OSBP2: variants seen among roughly 807,000 people sequenced by gnomAD.
OSBP2 encodes the protein oxysterol-binding protein 2.
OSBP2 carries 66 observed loss-of-function variants against 96.0 expected under a neutral mutation model. That is an observed-to-expected ratio of 0.69 (90% confidence interval 0.56 to 0.84). The LOEUF (loss-of-function observed/expected upper bound fraction) is 0.84. Among genes scored for constraint, OSBP2 ranks in the 40% least tolerant of loss-of-function variants. The pLI, the probability that OSBP2 is intolerant of heterozygous loss-of-function variation, is 0.00. For missense variants in OSBP2, 1,038 were observed against 1,222.7 expected (o/e 0.85, Z 2.25); for synonymous variants, 525 against 520.9 (o/e 1.01, Z -0.11).
At chr22:30,867,486 C>T (rs913097045) in intron 2 of OSBP2, among the ~76,000 whole-genome samples, 2 of 152,118 alleles carry the variant, frequency 1.3e-5, no homozygotes, top group African/African-American at 4.8e-5. Context: ...TCACTCATTC[C>T]CTCTCTCTCT....
At chr22:30,799,161 G>A (rs2090815396) in intron 2 of OSBP2, among the ~76,000 whole-genome samples, 2 of 145,844 alleles carry the variant, frequency 1.4e-5, no homozygotes, top group African/African-American at 2.6e-5. Context: ...CCAGGCTGGA[G>A]TGCAGCGGTG....
chr22:30,820,731 C>CT (rs1183368083), intron 2 of OSBP2, among the ~76,000 whole-genome samples: 2 of 152,244 alleles, frequency 1.3e-5, no homozygotes, highest in Non-Finnish European at 2.9e-5. Flanking sequence ...TCTCAACACT[C>CT]TATCGCTAGG....
chr22:30,702,503 A>G (rs1284489844), intron 1 of OSBP2, among the ~76,000 whole-genome samples: 1 of 152,044 alleles, frequency 6.6e-6, no homozygotes, highest in Non-Finnish European at 1.5e-5. Context: ...AACCCCAGCT[A>G]CTCGGGAGTC....
intron 2 of OSBP2, among the ~76,000 whole-genome samples, chr22:30,824,795 G>T (rs1478978379): frequency 6.6e-6 from 1 of 152,210 alleles, no homozygotes; most frequent in African/African-American, 2.4e-5. Flanking sequence ...TGGGCTTGCT[G>T]CCTGCTCCGG....
chr22:30,831,206 C>A (rs1008315120), intron 2 of OSBP2, among the ~76,000 whole-genome samples: 3 of 152,182 alleles, frequency 2.0e-5, no homozygotes, highest in African/African-American at 7.2e-5. Flanking sequence ...GTGGACAACA[C>A]CTTGCTGTAA....
intron 2 of OSBP2, among the ~76,000 whole-genome samples, chr22:30,831,723 A>G (rs925601201): frequency 6.6e-6 from 1 of 152,186 alleles, no homozygotes; most frequent in African/African-American, 2.4e-5. Flanking sequence ...GAGGTGGCTC[A>G]CTTGACTGTA....
intron 1 of OSBP2, among the ~76,000 whole-genome samples, chr22:30,702,847 A>G (rs904439009): frequency 9.9e-5 from 15 of 152,200 alleles, no homozygotes; most frequent in African/African-American, 2.9e-4. Context: ...TGTATTCCAC[A>G]TAGAGCCTGG....
chr22:30,694,349 T>C (rs1270977963), upstream of OSBP2: 13 of 1,534,594 alleles, frequency 8.5e-6, no homozygotes, highest in Admixed American at 2.8e-4. Flanking sequence ...AGACAGGTAA[T>C]GGCTGCCATG....
chr22:30,904,535 T>G (rs2040286478), intron 12 of OSBP2, among the ~76,000 whole-genome samples: 1 of 152,040 alleles, frequency 6.6e-6, no homozygotes, highest in African/African-American at 2.4e-5. Context: ...AGAAAGTAAA[T>G]CTATGGATAT....
intron 2 of OSBP2, among the ~76,000 whole-genome samples, chr22:30,743,394 G>A (rs1002472929): frequency 1.3e-5 from 2 of 152,186 alleles, no homozygotes; most frequent in African/African-American, 4.8e-5. Flanking sequence ...TTCTCCCTGA[G>A]GTGTCAGCAC....
intron 12 of OSBP2, 185 bp downstream of exon 12, chr22:30,894,186 T>C: frequency 5.0e-6 from 3 of 603,910 alleles, no homozygotes; most frequent in Non-Finnish European, 8.8e-6. Flanking sequence ...TGTGAAACTA[T>C]CAAACACTAT....
At chr22:30,750,035 C>T (rs988147669) in intron 2 of OSBP2, among the ~76,000 whole-genome samples, 1 of 152,180 alleles carries the variant, frequency 6.6e-6, no homozygotes, top group Non-Finnish European at 1.5e-5. Context: ...AAGGTCAGAG[C>T]CAGAGGGCTG....
At chr22:30,874,231 T>C (rs186723162) in intron 3 of OSBP2, among the ~76,000 whole-genome samples, 1 of 151,940 alleles carries the variant, frequency 6.6e-6, no homozygotes, top group Non-Finnish European at 1.5e-5. Flanking sequence ...AGTGAGACTC[T>C]GTCTCAAAAA....
intron 2 of OSBP2, among the ~76,000 whole-genome samples, chr22:30,813,994 G>A (rs1056353366): frequency 2.0e-5 from 3 of 151,668 alleles, no homozygotes; most frequent in African/African-American, 7.3e-5. Flanking sequence ...TGGAGATGGG[G>A]TTTCACTATG....
At chr22:30,713,227 C>T (rs1248827203) in intron 1 of OSBP2, among the ~76,000 whole-genome samples, 5 of 151,716 alleles carry the variant, frequency 3.3e-5, no homozygotes, top group East Asian at 3.9e-4. Context: ...TACAGGCGCC[C>T]GCCACCACGC....
At chr22:30,896,375 A>T (rs777030492) in intron 12 of OSBP2, among the ~76,000 whole-genome samples, 2 of 152,200 alleles carry the variant, frequency 1.3e-5, no homozygotes, top group Non-Finnish European at 2.9e-5. Context: ...AAACATGCTC[A>T]TAATAATGCA....
At chr22:30,866,746 GAA>G (rs34739677) in intron 2 of OSBP2, among the ~76,000 whole-genome samples, 60,948 of 148,888 alleles carry the variant, frequency 0.41, 12,683 homozygotes, top group African/African-American at 0.5. Context: ...CAAAAAACAG[GAA>G]AAAAAAAAAA....
chr22:30,792,047 C>T (rs541621906), intron 2 of OSBP2, among the ~76,000 whole-genome samples: 1 of 152,318 alleles, frequency 6.6e-6, no homozygotes, highest in South Asian at 2.1e-4. Context: ...TGCAGTGGCT[C>T]ATGCCTGTAA....
At chr22:30,761,499 C>T (rs1326329418) in intron 2 of OSBP2, among the ~76,000 whole-genome samples, 9 of 152,126 alleles carry the variant, frequency 5.9e-5, no homozygotes, top group Non-Finnish European at 2.9e-5. Context: ...AGAGTAAAGA[C>T]GTCAGTTTTC....
Sources: gnomAD v4.1 joint callset for allele counts (sites outside exome capture counted in the v4.1 genomes callset) on GRCh38, gnomAD v4.1.1 for gene constraint, MANE v1.5 for transcripts, NCBI Gene and HGNC (gene_info 2026-07-23, HGNC 2026-07-21) for gene names.